Variants in PRR33 observed in about 807,000 individuals in gnomAD.
PRR33 encodes the protein proline rich 33.
A neutral mutation model predicts 0.5 loss-of-function variants in PRR33; 1 was observed. The observed-to-expected ratio is 2.18, with a 90% CI of 0.77 to 10.34. The LOEUF is 10.34. Among genes scored for constraint, PRR33 ranks in the 30% most tolerant of loss-of-function variants. The pLI, the probability that PRR33 is intolerant of heterozygous loss-of-function variation, is 0.13. For missense variants in PRR33, 552 were observed against 251.8 expected (o/e 2.19, Z -8.07); for synonymous variants, 226 against 110.0 (o/e 2.06, Z -6.60).
At chr11:1,905,122 CTTTTTTTTTT>C in the PRR33 span, among the ~76,000 whole-genome samples, 3 of 96,572 alleles carry the variant, frequency 3.1e-5, no homozygotes, top group East Asian at 2.9e-4. Context: ...CTTGAGAATT[CTTTTTTTTTT>C]TTTTTTTTTT....
At chr11:1,909,550 G>T in the PRR33 span, among the ~76,000 whole-genome samples, 3 of 152,220 alleles carry the variant, frequency 2.0e-5, no homozygotes, top group South Asian at 2.1e-4. Flanking sequence ...GTCGGAGGTT[G>T]CAGTGAGCCA....
upstream of PRR33, among the ~76,000 whole-genome samples, chr11:1,895,684 C>T (rs1037508174): frequency 2.0e-5 from 3 of 152,178 alleles, no homozygotes; most frequent in African/African-American, 4.8e-5. Context: ...TTTAGACCCA[C>T]GATCCTTTTT....
the PRR33 span, among the ~76,000 whole-genome samples, chr11:1,906,687 G>A: frequency 3.9e-4 from 60 of 152,276 alleles, no homozygotes; most frequent in Non-Finnish European, 6.5e-4. Flanking sequence ...GCCCCCCACC[G>A]CTGTGCGTGA....
exon 1 of PRR33, chr11:1,890,319 G>C (rs536539287): frequency 2.8e-6 from 2 of 711,952 alleles, no homozygotes; most frequent in South Asian, 3.0e-5. Flanking sequence ...GGCTTCGGCG[G>C]GGTGCGGGCC....
chr11:1,914,688 G>A, the PRR33 span, among the ~76,000 whole-genome samples: 1 of 146,290 alleles, frequency 6.8e-6, no homozygotes, highest in Non-Finnish European at 1.5e-5. Context: ...TGCTCTGTGT[G>A]TGTTCTGGGG....
chr11:1,890,323 G>A (rs1386037812), exon 1 of PRR33: 2 of 712,500 alleles, frequency 2.8e-6, no homozygotes, highest in Non-Finnish European at 5.2e-6. Context: ...TCGGCGGGGT[G>A]CGGGCCCTCA....
the PRR33 span, among the ~76,000 whole-genome samples, chr11:1,897,776 T>C: frequency 6.6e-6 from 1 of 152,168 alleles, no homozygotes; most frequent in Non-Finnish European, 1.5e-5. This position sits in a 1 kb window ranked among gnomAD's most constrained non-coding sequence, Gnocchi z 4.0. Context: ...TGAGTTCTTG[T>C]TGCTCCAGTC....
chr11:1,912,806 C>T, the PRR33 span, among the ~76,000 whole-genome samples: 2 of 152,004 alleles, frequency 1.3e-5, no homozygotes, highest in Non-Finnish European at 2.9e-5. Flanking sequence ...AGGTTTTTGC[C>T]ATGTTGCCCA....
chr11:1,901,382 A>G, the PRR33 span, among the ~76,000 whole-genome samples: 1 of 152,174 alleles, frequency 6.6e-6, no homozygotes. Context: ...CAAAGAGACA[A>G]TGCAAAGGTG....
chr11:1,912,181 G>C, the PRR33 span, among the ~76,000 whole-genome samples: 1 of 151,076 alleles, frequency 6.6e-6, no homozygotes, highest in Non-Finnish European at 1.5e-5. Context: ...TCTTTAAAAA[G>C]GTAAAATTAA....
At chr11:1,908,428 T>G in the PRR33 span, among the ~76,000 whole-genome samples, 34 of 150,960 alleles carry the variant, frequency 2.3e-4, no homozygotes, top group Middle Eastern at 3.4e-3. Context: ...CCCTACCCAT[T>G]TTTTTTCTTT....
upstream of PRR33, among the ~76,000 whole-genome samples, chr11:1,896,769 A>G (rs1849129055): frequency 6.6e-6 from 1 of 152,210 alleles, no homozygotes; most frequent in South Asian, 2.1e-4. Flanking sequence ...TGGGGTTTTC[A>G]TAGATATCCT....
At chr11:1,889,285 G>A (rs1480747537) in exon 1 of PRR33, 1 of 697,302 alleles carries the variant, frequency 1.4e-6, no homozygotes, top group African/African-American at 1.8e-5. Flanking sequence ...TACAGGAAGG[G>A]CAGGCGGGTG....
upstream of PRR33, among the ~76,000 whole-genome samples, chr11:1,896,119 T>C (rs1381274632): frequency 1.3e-5 from 2 of 152,254 alleles, no homozygotes; most frequent in African/African-American, 4.8e-5. Context: ...ACTGGTCTTA[T>C]ATGAATTCTT....
chr11:1,891,651 G>T lies in PRR33; in HGVS notation c.-1067C>A. Reference sequence around the variant, plus strand: ...CTGTGGTGGAGTGGGGGTGTGGGCAGGGCAGGGAGGCCAGCAGAGAGAGGC... The same window carrying T: ...CTGTGGTGGAGTGGGGGTGTGGGCATGGCAGGGAGGCCAGCAGAGAGAGGC... On this transcript the variant is annotated 5_prime_UTR_variant, in exon 1 of 1. The change creates a new upstream start codon in the 5' untranslated region. Transcript: ENST00000640310. 6.5e-6 allele frequency: 1 copy of T among 154,304 alleles called. No individual in the cohort carries two copies. 9.6% of individuals were successfully genotyped at this position (154,304 alleles called of 1,614,324 possible).
upstream of PRR33, among the ~76,000 whole-genome samples, chr11:1,893,000 T>G (rs1849060962): frequency 6.8e-6 from 1 of 147,222 alleles, no homozygotes; most frequent in South Asian, 2.2e-4. Context: ...GGTGGGTGGG[T>G]GGATGGATGG....
the PRR33 span, among the ~76,000 whole-genome samples, chr11:1,911,511 G>A: frequency 4.6e-5 from 7 of 151,906 alleles, no homozygotes; most frequent in South Asian, 2.1e-4. Context: ...TCTGCCTCCC[G>A]GGTTCAATCG....
At chr11:1,905,456 T>TTTG in the PRR33 span, among the ~76,000 whole-genome samples, 1 of 70,470 alleles carries the variant, frequency 1.4e-5, no homozygotes, top group Non-Finnish European at 3.0e-5. Context: ...TTTTTTTTTC[T>TTTG]GAGACAGAGT....
At chr11:1,909,191 G>C in the PRR33 span, among the ~76,000 whole-genome samples, 2 of 151,512 alleles carry the variant, frequency 1.3e-5, no homozygotes. Flanking sequence ...AACACAGTGA[G>C]TCTCTACAAA....
Sources: allele counts gnomAD v4.1 joint callset (sites outside exome capture counted in the v4.1 genomes callset), GRCh38; gene constraint gnomAD v4.1.1; non-coding constraint Gnocchi (gnomAD v3.1); transcripts MANE v1.5; gene names NCBI Gene and HGNC (gene_info 2026-07-23, HGNC 2026-07-21).